KCNK5: variants seen among roughly 807,000 people sequenced by gnomAD.
KCNK5 encodes the protein potassium channel subfamily K member 5.
In KCNK5, 18 loss-of-function variants were observed where a neutral mutation model predicts 32.9. That is an observed-to-expected ratio of 0.55 (90% CI 0.38 to 0.81). KCNK5 has a LOEUF of 0.81. Among genes scored for constraint, KCNK5 ranks in the 30% least tolerant of loss-of-function variants. The probability of loss-of-function intolerance (pLI) is 0.00; values close to 1 mark genes in which losing one functional copy is unlikely to be tolerated. For synonymous variants in KCNK5, 276 were observed against 275.3 expected (o/e 1.00, Z -0.03); for missense variants, 507 against 651.0 (o/e 0.78, Z 2.41).
intron 1 of KCNK5, among the ~76,000 whole-genome samples, chr6:39,199,051 T>G (rs1771081349): frequency 6.6e-6 from 1 of 152,204 alleles, no homozygotes; most frequent in Non-Finnish European, 1.5e-5. Flanking sequence ...GTGAGTATAC[T>G]GCAGTGAACG....
chr6:39,210,348 G>C (rs1016817005), intron 1 of KCNK5, among the ~76,000 whole-genome samples: 3 of 152,176 alleles, frequency 2.0e-5, no homozygotes. Flanking sequence ...TTCCCAGGAA[G>C]AGTAGGGGAA....
chr6:39,217,538 C>G (rs531894975), intron 1 of KCNK5, among the ~76,000 whole-genome samples: 1 of 152,292 alleles, frequency 6.6e-6, no homozygotes, highest in Non-Finnish European at 1.5e-5. Context: ...TCTAATTGCT[C>G]TTTTATTGTA....
At position 39,228,939 on chromosome 6, in the gene KCNK5, T is replaced by C. The variant is rs1771718838; in HGVS notation, c.173A>G (p.Asp58Gly). 1 of 1,614,038 alleles carries C rather than the reference T, an allele frequency of 6.2e-7. No individual in the cohort carries two copies. Among genetic ancestry groups the C allele is most frequent in the Admixed American group, 1.7e-5 (1 of 60,000 alleles). ...GCGGCGACTGACCTCTAGGATCTTG[T>C]CCAGGCCCTCCTGACCCAGGCACGG... is the stretch of plus-strand genomic sequence containing the variant. ...EFPCLGQEGLDKILEVVSDAA... is the reference protein window; with the variant it reads ...EFPCLGQEGLGKILEVVSDAA... Residue 58 changes from aspartate (D) to glycine (G), a missense_variant, in exon 1 of 5, where the codon GAC (aspartate) becomes GGC (glycine). Asp to Gly is a moderately conservative substitution (Grantham distance 94). Coordinates refer to ENST00000359534, the MANE Select transcript of KCNK5 (RefSeq NM_003740.4).
intron 1 of KCNK5, among the ~76,000 whole-genome samples, chr6:39,204,341 A>C (rs907903016): frequency 6.6e-6 from 1 of 152,224 alleles, no homozygotes; most frequent in Non-Finnish European, 1.5e-5. Flanking sequence ...AGATCCTCGA[A>C]GAATCTTTGA....
At chr6:39,225,540 G>A (rs1214343473) in intron 1 of KCNK5, among the ~76,000 whole-genome samples, 1 of 152,166 alleles carries the variant, frequency 6.6e-6, no homozygotes, top group Non-Finnish European at 1.5e-5. Context: ...CACTGTTTTT[G>A]GTGGGACAGG....
At chr6:39,226,116 G>A (rs1771667104) in intron 1 of KCNK5, among the ~76,000 whole-genome samples, 1 of 152,206 alleles carries the variant, frequency 6.6e-6, no homozygotes, top group Non-Finnish European at 1.5e-5. Flanking sequence ...GGCAAAACCA[G>A]CCTGTGCCCT....
At chr6:39,212,924 G>T (rs931805785) in intron 1 of KCNK5, among the ~76,000 whole-genome samples, 8 of 152,186 alleles carry the variant, frequency 5.3e-5, no homozygotes, top group Admixed American at 1.3e-4. Flanking sequence ...AACTAGGCTC[G>T]AAAGACATGA....
In KCNK5 at chr6:39,189,497, C is replaced by G. The variant is rs1770881763; in HGVS notation, c.*1393G>C. On this transcript the variant is annotated 3_prime_UTR_variant, in exon 5 of 5. Coordinates refer to ENST00000359534, the MANE Select transcript of KCNK5 (RefSeq NM_003740.4). ...CAATCCTTGGGACCCTGCTCTTTAACCACTGGCTCTGAAGCCAACAACAGA... is the reference window on the plus strand; with the variant it reads ...CAATCCTTGGGACCCTGCTCTTTAAGCACTGGCTCTGAAGCCAACAACAGA... 6.6e-6 allele frequency: 1 copy of G among 152,554 alleles called. No individual in the cohort carries two copies. The highest frequency in any genetic ancestry group is 1.9e-4 in the East Asian group (1 of 5,190). The allele number at this position is 152,554 out of a possible 1,614,324, so 9.5% of individuals were successfully genotyped here. A position where few individuals can be genotyped will look rare whatever the true frequency, so the allele number is the denominator to read the frequency against.
At position 39,191,407 on chromosome 6, in the gene KCNK5, C is replaced by T. The variant is rs1220265479; in HGVS notation, c.983G>A (p.Gly328Glu). The change falls in exon 5 of 5, where the codon GGG becomes GAG. Residue 328 changes from glycine (G) to glutamate (E), a missense_variant. Transcript: ENST00000359534. This position sits in a 1 kb window ranked among gnomAD's most constrained non-coding sequence, Gnocchi z 5.8. Reference sequence around the variant, plus strand: ...TGCTGGGAGCCCACCGCCTTGAGGCCCCAGCCCTGGGCCCGGGCCCGTCTC... The same window carrying T: ...TGCTGGGAGCCCACCGCCTTGAGGCTCCAGCCCTGGGCCCGGGCCCGTCTC... Reference protein sequence around the residue: ...GGETGPGPGLGPQGGGLPALP... With the variant: ...GGETGPGPGLEPQGGGLPALP... The T allele has an allele frequency of 1.2e-6, 2 of 1,613,212 alleles. No individual in the cohort carries two copies. Among genetic ancestry groups the T allele is most frequent in the Non-Finnish European group, 1.7e-6 (2 of 1,180,000 alleles).
intron 1 of KCNK5, among the ~76,000 whole-genome samples, chr6:39,205,908 C>T (rs1771216613): frequency 6.6e-6 from 1 of 152,196 alleles, no homozygotes; most frequent in Non-Finnish European, 1.5e-5. Context: ...CTGGCTCATT[C>T]CTCCCCGACT....
At chr6:39,213,941 G>C (rs928859338) in intron 1 of KCNK5, among the ~76,000 whole-genome samples, 2 of 152,046 alleles carry the variant, frequency 1.3e-5, no homozygotes, top group Non-Finnish European at 2.9e-5. Context: ...CAGGAGAATT[G>C]CGTGAACCCA....
At chr6:39,204,947 T>C (rs530774087) in intron 1 of KCNK5, among the ~76,000 whole-genome samples, 1 of 152,340 alleles carries the variant, frequency 6.6e-6, no homozygotes, top group South Asian at 2.1e-4. Flanking sequence ...GGCTTCTGAC[T>C]TTCACAGGCC....
chr6:39,195,833 T>C, intron 2 of KCNK5, 43 bp downstream of exon 2: 1 of 1,455,864 alleles, frequency 6.9e-7, no homozygotes, highest in Non-Finnish European at 9.6e-7. Context: ...TCTGAGGAGC[T>C]AGGGCATGGA....
intron 1 of KCNK5, among the ~76,000 whole-genome samples, chr6:39,224,920 T>C (rs1166349454): frequency 1.3e-5 from 2 of 152,146 alleles, no homozygotes; most frequent in Non-Finnish European, 2.9e-5. Flanking sequence ...TTTTTCTTTT[T>C]TTGAGACAAG....
chr6:39,200,046 A>G (rs1209088267), intron 1 of KCNK5, among the ~76,000 whole-genome samples: 1 of 152,198 alleles, frequency 6.6e-6, no homozygotes, highest in Non-Finnish European at 1.5e-5. Context: ...CTCCCAGAAC[A>G]GAAAAGCTGA....
At chr6:39,226,514 C>A (rs1235172903) in intron 1 of KCNK5, among the ~76,000 whole-genome samples, 2 of 152,182 alleles carry the variant, frequency 1.3e-5, no homozygotes, top group Non-Finnish European at 2.9e-5. Flanking sequence ...TCTCTTCCAA[C>A]AATCTTTGTC....
At position 39,191,067 on chromosome 6, in the gene KCNK5, G is replaced by A. The variant is rs371936512; in HGVS notation, c.1323C>T (p.Asp441=). 280 of 1,613,542 alleles carry A rather than the reference G, an allele frequency of 1.7e-4. 1 individual carries two copies. The highest frequency in any genetic ancestry group is 2.8e-4 in the Admixed American group (17 of 59,958). ...DEETSKSSLE[D]NLAGEESPQQ... is the part of the protein sequence containing the mutation. ...GGGGGCTCTCCTCCCCTGCCAAGTT[G>A]TCCTCTAGCGAGGACTTGGAGGTCT... Residue 441 remains aspartate, a synonymous_variant, in exon 5 of 5, where the codon GAC becomes GAT. Coordinates refer to ENST00000359534, the MANE Select transcript of KCNK5 (RefSeq NM_003740.4). This position sits in a 1 kb window ranked among gnomAD's most constrained non-coding sequence, Gnocchi z 5.8.
chr6:39,192,725 C>G (rs1376281860), intron 4 of KCNK5, among the ~76,000 whole-genome samples: 1 of 152,172 alleles, frequency 6.6e-6, no homozygotes. Context: ...AGGGAGCCTT[C>G]TTGGCTTACC....
At chr6:39,204,199 T>C (rs1771181986) in intron 1 of KCNK5, among the ~76,000 whole-genome samples, 1 of 152,274 alleles carries the variant, frequency 6.6e-6, no homozygotes, top group African/African-American at 2.4e-5. Flanking sequence ...CTCTGATATC[T>C]ATCTGGAGTA....
Sources: gnomAD v4.1 joint callset for allele counts (sites outside exome capture counted in the v4.1 genomes callset) on GRCh38, gnomAD v4.1.1 for gene constraint, Gnocchi (gnomAD v3.1) non-coding constraint, MANE v1.5 for transcripts, NCBI Gene and HGNC (gene_info 2026-07-23, HGNC 2026-07-21) for gene names.